The following ATP2B4 variants were observed in gnomAD, a reference collection of about 807,000 sequenced individuals.
ATP2B4 encodes the protein ATPase plasma membrane Ca2+ transporting 4.
Under a neutral mutation model 110.3 loss-of-function variants are expected in ATP2B4, and 39 were observed. The ratio of observed to expected loss-of-function variants is 0.35; its 90% CI spans 0.27 to 0.46. ATP2B4 has a LOEUF of 0.46. Ranked by LOEUF, ATP2B4 falls within the 20% of genes least tolerant of loss-of-function variation. ATP2B4 has a pLI of 1.00. For missense variants in ATP2B4, 1,135 were observed against 1,530.9 expected, an observed-to-expected ratio of 0.74 and a Z score of 4.32; for synonymous variants, 538 against 571.7, an observed-to-expected ratio of 0.94 and a Z score of 0.84.
chr1:203,649,061 T>C (rs1025752281), intron 1 of ATP2B4, among the ~76,000 whole-genome samples: 16 of 152,232 alleles, frequency 1.1e-4, no homozygotes, highest in African/African-American at 3.9e-4. Context: ...TTGTATATCA[T>C]GGAGTGCCTA....
At chr1:203,707,523 C>T (rs1043152657) in intron 9 of ATP2B4, among the ~76,000 whole-genome samples, 2 of 151,970 alleles carry the variant, frequency 1.3e-5, no homozygotes, top group Admixed American at 6.5e-5. Context: ...CTCCGCCTCC[C>T]GGGTTCAAGT....
Position 203,722,575 on chromosome 1 carries a change from G to T in ATP2B4, c.2910G>T (p.Met970Ile), listed in dbSNP as rs1401069227. 1 of 1,614,198 alleles carries T rather than the reference G, an allele frequency of 6.2e-7. No homozygotes were observed. The highest frequency in any genetic ancestry group is 8.5e-7 in the Non-Finnish European group (1 of 1,180,016). Residue 970 changes from methionine (M) to isoleucine (I), a missense_variant, in exon 18 of 21, where the codon ATG becomes ATT. Coordinates refer to ENST00000357681, the MANE Select transcript of ATP2B4 (RefSeq NM_001684.5). ...TTGTTTTTAACACCTTCGTGCTGATGCAGCTCTTCAATGAAATCAACTCCC... is the reference window on the plus strand; with the variant it reads ...TTGTTTTTAACACCTTCGTGCTGATTCAGCTCTTCAATGAAATCAACTCCC... ...YTIVFNTFVL[M>I]QLFNEINSRK...
chr1:203,723,647 T>G (rs977293205), intron 18 of ATP2B4, among the ~76,000 whole-genome samples: 8 of 152,130 alleles, frequency 5.3e-5, no homozygotes, highest in Non-Finnish European at 1.0e-4. Context: ...CCAGATTGTC[T>G]GTTAATCATA....
intron 1 of ATP2B4, among the ~76,000 whole-genome samples, chr1:203,651,477 T>TGA (rs1230920000): frequency 6.6e-6 from 1 of 152,092 alleles, no homozygotes; most frequent in Non-Finnish European, 1.5e-5. Context: ...TCCTATCCCA[T>TGA]CCCCCCACCT....
intron 1 of ATP2B4, among the ~76,000 whole-genome samples, chr1:203,633,144 T>G (rs1306970251): frequency 3.9e-5 from 6 of 152,244 alleles, no homozygotes; most frequent in Admixed American, 2.0e-4. Context: ...TCACAGGAGC[T>G]GGCTTAAAGG....
chr1:203,682,353 T>C (rs187189735), intron 1 of ATP2B4, among the ~76,000 whole-genome samples: 19 of 152,310 alleles, frequency 1.2e-4, no homozygotes, highest in Non-Finnish European at 7.3e-5. Context: ...TCATCTTTTA[T>C]AGATAAGGTC....
chr1:203,694,980 A>C (rs1665490000), intron 2 of ATP2B4, among the ~76,000 whole-genome samples: 1 of 152,214 alleles, frequency 6.6e-6, no homozygotes, highest in East Asian at 1.9e-4. Flanking sequence ...GGGTATTAGC[A>C]TGAGAGCAGA....
chr1:203,709,884 C>T (rs1223806967), intron 11 of ATP2B4, among the ~76,000 whole-genome samples: 1 of 152,164 alleles, frequency 6.6e-6, no homozygotes, highest in African/African-American at 2.4e-5. Context: ...GTTTCCATTT[C>T]CTAATCTGAA....
chr1:203,637,285 G>C (rs1178741463), intron 1 of ATP2B4, among the ~76,000 whole-genome samples: 7 of 152,040 alleles, frequency 4.6e-5, no homozygotes, highest in Non-Finnish European at 1.0e-4. Flanking sequence ...GAAAAAATTA[G>C]CCGGGCGAGG....
intron 1 of ATP2B4, among the ~76,000 whole-genome samples, chr1:203,642,787 G>A (rs1663671233): frequency 6.6e-6 from 1 of 152,164 alleles, no homozygotes; most frequent in African/African-American, 2.4e-5. Context: ...ATTCAAGTCT[G>A]GCTGGCCAGC....
At chr1:203,708,177 C>T (rs1456747751) in intron 10 of ATP2B4, 73 bp downstream of exon 10, 2 of 1,583,570 alleles carry the variant, frequency 1.3e-6, no homozygotes, top group African/African-American at 2.7e-5. Flanking sequence ...TGAAATGAAC[C>T]CCCTTATTGT....
chr1:203,648,724 C>T (rs964050972), intron 1 of ATP2B4, among the ~76,000 whole-genome samples: 1 of 152,186 alleles, frequency 6.6e-6, no homozygotes, highest in African/African-American at 2.4e-5. Context: ...CGTAGTTTGT[C>T]CCCTGGCCCA....
intron 15 of ATP2B4, among the ~76,000 whole-genome samples, chr1:203,717,275 GGTTT>G (rs148330848): frequency 0.016 from 2,427 of 152,118 alleles, 72 homozygotes; most frequent in African/African-American, 0.056. Context: ...GTAGGTTTTT[GGTTT>G]GTTTTTTAAT....
chr1:203,727,410 C>A lies in ATP2B4; in HGVS notation c.3148C>A (p.Pro1050Thr). The change falls in exon 20 of 21, where the codon CCT becomes ACT. Residue 1050 changes from proline to threonine, a missense_variant. Physicochemically the swap from Pro to Thr is conservative, Grantham distance 38. This residue lies in a region of ATP2B4 where 61 missense variants were observed against 123.4 expected (regional missense o/e 0.49). Coordinates refer to ENST00000357681, the MANE Select transcript of ATP2B4 (RefSeq NM_001684.5). ...LLWGQFISAI[P>T]TRSLKFLKEA... ...TTGTTTTCAGTTCATCTCCGCAATA[C>A]CTACCCGATCCCTGAAGTTCCTGAA... The A allele has an allele frequency of 6.2e-7, 1 of 1,614,198 alleles. No individual in the cohort carries two copies. The highest frequency in any genetic ancestry group is 8.5e-7 in the Non-Finnish European group (1 of 1,180,014).
At chr1:203,693,909 T>A (rs1665458538) in intron 2 of ATP2B4, among the ~76,000 whole-genome samples, 1 of 152,132 alleles carries the variant, frequency 6.6e-6, no homozygotes, top group African/African-American at 2.4e-5. Context: ...CACACTAGAT[T>A]GAAGCCTCAG....
At chr1:203,718,377 C>A (rs1666220866) in intron 15 of ATP2B4, among the ~76,000 whole-genome samples, 1 of 152,142 alleles carries the variant, frequency 6.6e-6, no homozygotes, top group Non-Finnish European at 1.5e-5. Flanking sequence ...TGGCTCACTG[C>A]AACCTCTGCC....
chr1:203,683,019 A>C lies in ATP2B4; in HGVS notation c.-187A>C. On this transcript the variant is annotated 5_prime_UTR_variant, in exon 2 of 21. Transcript: ENST00000357681. ...TCGCTGCCAGACTTCATACGGAAGA[A>C]AGGATCTAGACTTCGGACGGCTACT... 1.8e-6 allele frequency: 1 copy of C among 559,022 alleles called. No individual in the cohort carries two copies. The highest frequency in any genetic ancestry group is 3.1e-6 in the Non-Finnish European group (1 of 326,256). The allele number at this position is 559,022 out of a possible 1,614,324, so 34.6% of individuals were successfully genotyped here. A position where few individuals can be genotyped will look rare whatever the true frequency, so the allele number is the denominator to read the frequency against.
At chr1:203,632,210 G>GAAAAAAAA (rs1016763029) in intron 1 of ATP2B4, among the ~76,000 whole-genome samples, 1 of 140,672 alleles carries the variant, frequency 7.1e-6, no homozygotes, top group Non-Finnish European at 1.6e-5. Context: ...TAGCCAAAAA[G>GAAAAAAAA]AAAAAAAAAA....
At chr1:203,636,273 G>T (rs1558009133) in intron 1 of ATP2B4, among the ~76,000 whole-genome samples, 1 of 152,306 alleles carries the variant, frequency 6.6e-6, no homozygotes, top group East Asian at 1.9e-4. Context: ...GCACTCCCTT[G>T]GCAAGGGCAG....
Sources: gnomAD v4.1 joint callset for allele counts (sites outside exome capture counted in the v4.1 genomes callset) on GRCh38, gnomAD v4.1.1 for gene constraint, gnomAD v4.1.1 regional missense constraint, MANE v1.5 for transcripts, NCBI Gene and HGNC (gene_info 2026-07-23, HGNC 2026-07-21) for gene names.